TG: variants seen among roughly 807,000 people sequenced by gnomAD.
The protein encoded by TG is thyroglobulin.
A neutral mutation model predicts 324.7 loss-of-function variants in TG; 270 were observed. The observed-to-expected ratio is 0.83, with a 90% CI of 0.75 to 0.92. TG has a LOEUF of 0.92. TG is among the 40% of genes least tolerant of loss of function. The probability of loss-of-function intolerance (pLI) is 0.00; values close to 1 mark genes in which losing one functional copy is unlikely to be tolerated. For missense variants in TG, 3,591 were observed against 3,456.4 expected (o/e 1.04, Z -0.98); for synonymous variants, 1,401 against 1,327.0 (o/e 1.06, Z -1.21).
intron 26 of TG, 22 bp downstream of exon 26, chr8:132,941,564 A>G (rs1367500336): frequency 1.9e-6 from 3 of 1,614,064 alleles, no homozygotes; most frequent in African/African-American, 1.3e-5. Context: ...AGTGAGGGCC[A>G]GGGCCTAACA....
chr8:132,927,771 T>C (rs1216968023), intron 22 of TG, among the ~76,000 whole-genome samples: 1 of 152,234 alleles, frequency 6.6e-6, no homozygotes, highest in East Asian at 1.9e-4. Context: ...GTATTTAGTC[T>C]CCTAGAATAT....
intron 35 of TG, among the ~76,000 whole-genome samples, chr8:132,996,251 G>A (rs1255658209): frequency 2.0e-5 from 3 of 152,226 alleles, no homozygotes; most frequent in African/African-American, 4.8e-5. Context: ...ACGTAGAGGT[G>A]AGATTTTATT....
At chr8:132,972,199 T>G in intron 33 of TG, 1 of 454,576 alleles carries the variant, frequency 2.2e-6, no homozygotes, top group East Asian at 4.6e-5. Context: ...GTGTACTTAA[T>G]GCTTGGTTGA....
chr8:133,046,822 A>T (rs1839504828), intron 41 of TG, among the ~76,000 whole-genome samples: 2 of 152,104 alleles, frequency 1.3e-5, no homozygotes, highest in South Asian at 4.1e-4. Context: ...AATCATATAT[A>T]TGTGGTCCCT....
chr8:132,921,678 C>G (rs1180019770), intron 21 of TG, among the ~76,000 whole-genome samples: 1 of 152,202 alleles, frequency 6.6e-6, no homozygotes, highest in African/African-American at 2.4e-5. Context: ...CTTGCTTATA[C>G]TTTTCTCCTA....
chr8:133,128,649 G>A (rs1287163968), intron 45 of TG, among the ~76,000 whole-genome samples: 1 of 152,180 alleles, frequency 6.6e-6, no homozygotes, highest in Admixed American at 6.5e-5. Context: ...TCTTGGGCAG[G>A]TAGCTTTCCC....
chr8:132,959,770 C>T (rs1005677954), intron 27 of TG, among the ~76,000 whole-genome samples: 1 of 152,174 alleles, frequency 6.6e-6, no homozygotes, highest in Non-Finnish European at 1.5e-5. Context: ...TACTTTATAT[C>T]ATGCCTGTGA....
chr8:132,897,845 A>T (rs1012286155), intron 12 of TG, 59 bp downstream of exon 12: 1 of 1,597,786 alleles, frequency 6.3e-7, no homozygotes, highest in South Asian at 1.1e-5. Flanking sequence ...ATTTTAGAGG[A>T]CAGAGCCCCA....
At chr8:132,982,623 G>A (rs562706142) in intron 34 of TG, among the ~76,000 whole-genome samples, 11 of 152,278 alleles carry the variant, frequency 7.2e-5, no homozygotes, top group African/African-American at 2.4e-4. Flanking sequence ...CCACCATGCT[G>A]TGCTGCTTGC....
intron 43 of TG, among the ~76,000 whole-genome samples, chr8:133,106,816 C>T (rs1240528563): frequency 6.6e-6 from 1 of 152,170 alleles, no homozygotes; most frequent in Non-Finnish European, 1.5e-5. Flanking sequence ...ACTAGAAGCC[C>T]CATGCAGGCA....
chr8:132,897,621 T>G, intron 11 of TG, 28 bp from the exon 12 acceptor site: 2 of 1,614,034 alleles, frequency 1.2e-6, no homozygotes, highest in Non-Finnish European at 1.7e-6. Flanking sequence ...GGTGGTCATA[T>G]TCTGCTTTTC....
chr8:132,927,500 A>G (rs931129777), intron 22 of TG, among the ~76,000 whole-genome samples: 4 of 152,282 alleles, frequency 2.6e-5, no homozygotes, highest in Admixed American at 6.5e-5. Flanking sequence ...GCCGTTAAGT[A>G]TAAATTGGAT....
At chr8:133,091,683 A>G (rs68192213) in intron 41 of TG, among the ~76,000 whole-genome samples, 23,262 of 150,954 alleles carry the variant, frequency 0.15, 2,260 homozygotes, top group East Asian at 0.21. Flanking sequence ...TGTCTCTGTG[A>G]CTGTGTGTGT....
chr8:132,972,961 G>A (rs1164286657), intron 34 of TG, among the ~76,000 whole-genome samples: 1 of 152,138 alleles, frequency 6.6e-6, no homozygotes. Flanking sequence ...CAGTAAAGAC[G>A]GAAATGGACC....
chr8:133,105,869 G>T lies in TG; in HGVS notation c.7573-7553G>T, dbSNP rs143953236. Among the ~76,000 whole-genome samples the T allele has an allele frequency of 7.2e-3, 1,092 of 152,240 alleles. 10 individuals carry two copies. Among genetic ancestry groups the T allele is most frequent in the African/African-American group, 0.025 (1,042 of 41,522 alleles). ...AGGAGATGGAGAGGTGGGGGATGGG[G>T]CGTCTACTGGTGGACCTCTGCAAGG... On this transcript the variant is annotated intron_variant, in intron 43 of 47. Coordinates refer to ENST00000220616, the MANE Select transcript of TG (RefSeq NM_003235.5).
intron 45 of TG, among the ~76,000 whole-genome samples, chr8:133,126,031 T>C (rs1182101118): frequency 2.0e-5 from 3 of 152,202 alleles, no homozygotes; most frequent in Non-Finnish European, 4.4e-5. Flanking sequence ...TCAAATGCGA[T>C]GGTCAGTTAG....
At chr8:133,128,118 A>T (rs1405368095) in intron 45 of TG, among the ~76,000 whole-genome samples, 1 of 151,970 alleles carries the variant, frequency 6.6e-6, no homozygotes, top group Non-Finnish European at 1.5e-5. Flanking sequence ...ACAACATTTT[A>T]TTTTTGAAAA....
chr8:132,944,418 G>A (rs570132690), intron 26 of TG, among the ~76,000 whole-genome samples: 219 of 152,148 alleles, frequency 1.4e-3, no homozygotes, highest in Admixed American at 3.8e-3. Context: ...GTACTATTTT[G>A]TCCCTTCTTT....
At chr8:132,931,684 T>C (rs541891621) in intron 23 of TG, among the ~76,000 whole-genome samples, 1 of 152,252 alleles carries the variant, frequency 6.6e-6, no homozygotes, top group East Asian at 1.9e-4. Flanking sequence ...TTAATTGTTT[T>C]CTTGACTGAA....
Sources: allele counts gnomAD v4.1 joint callset (sites outside exome capture counted in the v4.1 genomes callset), GRCh38; gene constraint gnomAD v4.1.1; transcripts MANE v1.5; gene names NCBI Gene and HGNC (gene_info 2026-07-23, HGNC 2026-07-21).